The following WDR70 variants were observed in gnomAD, a reference collection of about 807,000 sequenced individuals.
WDR70 encodes the protein WD repeat domain 70.
In WDR70, 53 loss-of-function variants were observed where a neutral mutation model predicts 88.6. The ratio of observed to expected loss-of-function variants is 0.60; its 90% CI spans 0.48 to 0.75. The LOEUF is 0.75. Ranked by LOEUF, WDR70 falls within the 30% of genes least tolerant of loss-of-function variation. WDR70 has a pLI of 0.00. For missense variants in WDR70, 610 were observed against 823.2 expected (o/e 0.74, Z 3.17); for synonymous variants, 280 against 270.0 (o/e 1.04, Z -0.36).
intron 9 of WDR70, among the ~76,000 whole-genome samples, chr5:37,581,374 A>G (rs1000230021): frequency 1.3e-5 from 2 of 152,204 alleles, no homozygotes; most frequent in Non-Finnish European, 2.9e-5. Flanking sequence ...ACTATAAAGT[A>G]TTTCCCATTA....
At chr5:37,751,785 T>C (rs1261569883) in intron 17 of WDR70, among the ~76,000 whole-genome samples, 2 of 152,182 alleles carry the variant, frequency 1.3e-5, no homozygotes, top group East Asian at 1.9e-4. Flanking sequence ...ATATTTCTTA[T>C]GTGAGTAGTG....
intron 10 of WDR70, among the ~76,000 whole-genome samples, chr5:37,609,582 A>G (rs1339777915): frequency 1.3e-5 from 2 of 152,180 alleles, no homozygotes; most frequent in Non-Finnish European, 2.9e-5. Flanking sequence ...AGGGAATAAT[A>G]TTTGAGGTTG....
At chr5:37,414,601 GTTT>G (rs765190732) in intron 5 of WDR70, among the ~76,000 whole-genome samples, 3 of 121,272 alleles carry the variant, frequency 2.5e-5, no homozygotes, top group Admixed American at 8.4e-5. Context: ...AGGACAGTCT[GTTT>G]TTTTTTTTTT....
At chr5:37,694,510 A>G (rs997604058) in intron 10 of WDR70, among the ~76,000 whole-genome samples, 4 of 152,214 alleles carry the variant, frequency 2.6e-5, no homozygotes, top group Non-Finnish European at 5.9e-5. Context: ...ATGGAATACT[A>G]TGCAGCCATA....
intron 6 of WDR70, 52 bp downstream of exon 6, chr5:37,438,033 GA>G (rs1379722055): frequency 3.2e-5 from 48 of 1,496,142 alleles, no homozygotes; most frequent in Non-Finnish European, 4.3e-5. Flanking sequence ...GGCTGTCATG[GA>G]AAAGTGAACT....
At chr5:37,442,922 T>C (rs1387053617) in intron 6 of WDR70, among the ~76,000 whole-genome samples, 2 of 152,256 alleles carry the variant, frequency 1.3e-5, no homozygotes, top group East Asian at 1.9e-4. Flanking sequence ...GATTTTTACT[T>C]GTACACTAAA....
At chr5:37,593,803 C>T (rs1743612107) in intron 9 of WDR70, among the ~76,000 whole-genome samples, 1 of 152,180 alleles carries the variant, frequency 6.6e-6, no homozygotes, top group Admixed American at 6.5e-5. Context: ...ACATCCTCTC[C>T]AGCATCTGTT....
intron 9 of WDR70, among the ~76,000 whole-genome samples, chr5:37,530,477 C>T (rs527516673): frequency 7.2e-5 from 11 of 151,816 alleles, no homozygotes; most frequent in Admixed American, 1.3e-4. Context: ...ACTTCAGTCT[C>T]GCTGCTTATT....
At chr5:37,486,244 T>C (rs1374284603) in intron 8 of WDR70, among the ~76,000 whole-genome samples, 5 of 152,192 alleles carry the variant, frequency 3.3e-5, no homozygotes, top group Admixed American at 1.3e-4. Flanking sequence ...TAAACCCTAG[T>C]GAAGTGCCTC....
At chr5:37,581,173 G>C (rs1743206812) in intron 9 of WDR70, among the ~76,000 whole-genome samples, 1 of 151,912 alleles carries the variant, frequency 6.6e-6, no homozygotes, top group African/African-American at 2.4e-5. Flanking sequence ...TTCATATAGG[G>C]AACACTGGTG....
chr5:37,569,423 GT>G (rs1358538558), intron 9 of WDR70, among the ~76,000 whole-genome samples: 1 of 152,148 alleles, frequency 6.6e-6, no homozygotes, highest in African/African-American at 2.4e-5. Context: ...ACCCTCAAGT[GT>G]TTGTTGAATT....
intron 7 of WDR70, among the ~76,000 whole-genome samples, chr5:37,450,059 C>T (rs1738628873): frequency 6.6e-6 from 1 of 152,102 alleles, no homozygotes; most frequent in Admixed American, 6.5e-5. Context: ...CATCCATATC[C>T]CTGCAAAGGA....
chr5:37,382,623 G>A (rs550769168), intron 3 of WDR70, among the ~76,000 whole-genome samples: 2 of 152,196 alleles, frequency 1.3e-5, no homozygotes, highest in South Asian at 4.1e-4. Context: ...TGTTAGCCAG[G>A]ATGGTCTTGA....
intron 4 of WDR70, among the ~76,000 whole-genome samples, chr5:37,392,989 T>C (rs1748890269): frequency 6.6e-6 from 1 of 151,960 alleles, no homozygotes; most frequent in Non-Finnish European, 1.5e-5. Context: ...CCTAACACAT[T>C]GATGTTGTTT....
At chr5:37,403,890 A>G (rs745581042) in intron 5 of WDR70, among the ~76,000 whole-genome samples, 1 of 152,096 alleles carries the variant, frequency 6.6e-6, no homozygotes, top group Non-Finnish European at 1.5e-5. Context: ...CTACAGGTGC[A>G]TACAACCACA....
chr5:37,379,901 A>T (rs1212090830), intron 2 of WDR70, among the ~76,000 whole-genome samples: 3 of 152,220 alleles, frequency 2.0e-5, no homozygotes, highest in Non-Finnish European at 4.4e-5. Context: ...AGTGTAGTTT[A>T]TTCAGAAATA....
intron 6 of WDR70, among the ~76,000 whole-genome samples, chr5:37,440,108 T>C (rs899982167): frequency 7.9e-5 from 12 of 152,226 alleles, no homozygotes; most frequent in Admixed American, 2.6e-4. Context: ...TCTGATGTAC[T>C]CTTAGGAGAA....
intron 13 of WDR70, among the ~76,000 whole-genome samples, chr5:37,711,739 G>C (rs1747516689): frequency 3.3e-5 from 5 of 152,122 alleles, no homozygotes. Context: ...CCTCAGGGCT[G>C]ATGGTGTCAT....
In WDR70 at chr5:37,596,727, A is replaced by G. The variant is rs933761807; in HGVS notation, c.918-8337A>G. On this transcript the variant is annotated intron_variant, in intron 9 of 17. Transcript: ENST00000265107. ...TTTATCACATATATATGTATATTGC[A>G]TATATAATTATGTTACATTTATTGG... 4.7e-4 allele frequency among the ~76,000 whole-genome samples: 71 copies of G among 152,246 alleles called. 1 individual carries two copies. The highest frequency in any genetic ancestry group is 5.3e-4 in the Non-Finnish European group (36 of 68,048).
Sources: allele counts gnomAD v4.1 joint callset (sites outside exome capture counted in the v4.1 genomes callset), GRCh38; gene constraint gnomAD v4.1.1; transcripts MANE v1.5; gene names NCBI Gene and HGNC (gene_info 2026-07-23, HGNC 2026-07-21).